CLVS2: variants seen among roughly 807,000 people sequenced by gnomAD.
CLVS2 encodes clavesin 2.
CLVS2 carries 19 observed loss-of-function variants against 29.0 expected under a neutral mutation model. That is an observed-to-expected ratio of 0.66 (90% confidence interval 0.46 to 0.96). The LOEUF (loss-of-function observed/expected upper bound fraction) is 0.96, where lower values mean the gene tolerates loss of function less well. Among genes scored for constraint, CLVS2 ranks in the 40% least tolerant of loss-of-function variants. The pLI is 0.00. For missense variants in CLVS2, 294 were observed against 404.1 expected, an observed-to-expected ratio of 0.73 and a Z score of 2.34; for synonymous variants, 161 against 151.3, an observed-to-expected ratio of 1.06 and a Z score of -0.47.
At position 123,026,290 on chromosome 6, in the gene CLVS2, T is replaced by C. The variant is rs1442159317; in HGVS notation, c.564+15131T>C. The stretch of plus-strand genomic sequence containing the variant: ...AGGACTATGGTGAAATTTTCTTTTT[T>C]ATTTTCTGCATTTTACATATTTTGC... On this transcript the variant is annotated intron_variant, in intron 3 of 5. Coordinates refer to ENST00000275162, the MANE Select transcript of CLVS2 (RefSeq NM_001010852.4). Among the ~76,000 whole-genome samples the C allele has an allele frequency of 6.6e-5, 10 of 152,196 alleles. No individual in the cohort carries two copies. The East Asian group carries it at 1.9e-3, about 29-fold the overall frequency.
At chr6:122,998,493 G>A (rs1364051561) in intron 2 of CLVS2, among the ~76,000 whole-genome samples, 1 of 152,006 alleles carries the variant, frequency 6.6e-6, no homozygotes, top group Admixed American at 6.5e-5. Context: ...AAGTTTATTG[G>A]GCTGGATAAA....
At chr6:122,998,257 A>G in intron 2 of CLVS2, 91 bp downstream of exon 2, 1 of 1,417,408 alleles carries the variant, frequency 7.1e-7, no homozygotes, top group Non-Finnish European at 9.4e-7. Flanking sequence ...TAGATTTGAT[A>G]TTTTTGTTTA....
Position 123,063,843 on chromosome 6 carries a change from C to T in CLVS2, c.*82C>T, listed in dbSNP as rs558546741. Reference sequence around the variant, plus strand: ...CAGGGACAACACTGTAGAGGAATTACCAGCTGGAAACCGACTTATTCATGT... The same window carrying T: ...CAGGGACAACACTGTAGAGGAATTATCAGCTGGAAACCGACTTATTCATGT... On this transcript the variant is annotated 3_prime_UTR_variant, in exon 6 of 6. Transcript: ENST00000275162. 219 of 933,480 alleles carry T rather than the reference C, an allele frequency of 2.3e-4. 4 individuals carry two copies. In the South Asian group the frequency reaches 3.2e-3, roughly 13 times the overall value. 57.8% of individuals were successfully genotyped at this position (933,480 alleles called of 1,614,324 possible).
At chr6:123,016,711 T>A (rs1774839835) in intron 3 of CLVS2, among the ~76,000 whole-genome samples, 1 of 152,098 alleles carries the variant, frequency 6.6e-6, no homozygotes, top group African/African-American at 2.4e-5. Flanking sequence ...CCTAAAATAG[T>A]GCCAGATAGT....
At chr6:123,048,045 A>T (rs533664666) in intron 3 of CLVS2, among the ~76,000 whole-genome samples, 1 of 152,262 alleles carries the variant, frequency 6.6e-6, no homozygotes, top group Admixed American at 6.5e-5. Flanking sequence ...TTCTTACAGT[A>T]CAACTCTGCA....
At chr6:123,039,433 T>C (rs1775197954) in intron 3 of CLVS2, among the ~76,000 whole-genome samples, 1 of 152,212 alleles carries the variant, frequency 6.6e-6, no homozygotes, top group Non-Finnish European at 1.5e-5. Context: ...TTAGTTTTAA[T>C]AAAGGAGCCT....
intron 2 of CLVS2, among the ~76,000 whole-genome samples, chr6:123,007,144 A>C (rs922412851): frequency 6.6e-6 from 1 of 152,360 alleles, no homozygotes; most frequent in Admixed American, 6.5e-5. Context: ...GTGGTTAAAA[A>C]GTACAAAAAG....
chr6:123,018,286 T>C (rs1774868975), intron 3 of CLVS2, among the ~76,000 whole-genome samples: 1 of 152,076 alleles, frequency 6.6e-6, no homozygotes, highest in African/African-American at 2.4e-5. Context: ...TCTTGATGTG[T>C]TCTTCTTTCC....
At chr6:123,040,182 A>T (rs1227100264) in intron 3 of CLVS2, among the ~76,000 whole-genome samples, 3 of 152,224 alleles carry the variant, frequency 2.0e-5, no homozygotes, top group African/African-American at 7.2e-5. Flanking sequence ...AATAGGCCTC[A>T]GATTTTGAGA....
intron 2 of CLVS2, among the ~76,000 whole-genome samples, chr6:123,002,691 C>CA (rs537056354): frequency 3.3e-5 from 5 of 151,836 alleles, no homozygotes; most frequent in African/African-American, 4.8e-5. Flanking sequence ...TACTCTGCAA[C>CA]AAAAAAAGCA....
intron 2 of CLVS2, among the ~76,000 whole-genome samples, chr6:123,008,768 T>G (rs1219169585): frequency 2.0e-5 from 3 of 151,946 alleles, no homozygotes; most frequent in Non-Finnish European, 4.4e-5. Flanking sequence ...GTTTATAGGT[T>G]TCAGGTCCTG....
chr6:122,997,472 G>A lies in CLVS2; in HGVS notation c.-306G>A, dbSNP rs1774525366. The A allele has an allele frequency of 5.3e-6, 2 of 378,466 alleles. No individual in the cohort carries two copies. Among genetic ancestry groups the A allele is most frequent in the Admixed American group, 8.7e-5 (2 of 22,894 alleles). The allele number at this position is 378,466 out of a possible 1,614,324, so 23.4% of individuals were successfully genotyped here. A position where few individuals can be genotyped will look rare whatever the true frequency, so the allele number is the denominator to read the frequency against. On this transcript the variant is annotated 5_prime_UTR_variant, in exon 2 of 6. Coordinates refer to ENST00000275162, the MANE Select transcript of CLVS2 (RefSeq NM_001010852.4). Reference sequence around the variant, plus strand: ...TGTTAGGAAAGAGAAAGGACAAGAAGAGGAGTGCGGAGCCCTTCAGGGGTT... The same window carrying A: ...TGTTAGGAAAGAGAAAGGACAAGAAAAGGAGTGCGGAGCCCTTCAGGGGTT...
intron 3 of CLVS2, among the ~76,000 whole-genome samples, chr6:123,016,979 A>G (rs1190842533): frequency 1.3e-5 from 2 of 152,074 alleles, no homozygotes; most frequent in Non-Finnish European, 2.9e-5. Flanking sequence ...ATCACTGTCC[A>G]AGGCTGGGGC....
intron 3 of CLVS2, among the ~76,000 whole-genome samples, chr6:123,035,993 C>T (rs1258817773): frequency 2.0e-5 from 3 of 151,980 alleles, no homozygotes; most frequent in Non-Finnish European, 2.9e-5. Flanking sequence ...CTGATGTGTA[C>T]GCTTGGACAA....
intron 3 of CLVS2, among the ~76,000 whole-genome samples, chr6:123,029,158 G>A (rs550907098): frequency 1.7e-4 from 26 of 152,232 alleles, no homozygotes; most frequent in Admixed American, 3.9e-4. Flanking sequence ...TTGTTTAAAC[G>A]ACCCAGACTA....
chr6:123,057,825 C>G lies in CLVS2; in HGVS notation c.896+1799C>G, dbSNP rs139672643. On this transcript the variant is annotated intron_variant, in intron 5 of 5. Coordinates refer to ENST00000275162, the MANE Select transcript of CLVS2 (RefSeq NM_001010852.4). ...TTTAAACCAACTTTAGGCTTCTTAA[C>G]TCCCTTCTTTTAGAACAGAACTTCT... is the stretch of plus-strand genomic sequence containing the variant. Among the ~76,000 whole-genome samples the G allele has an allele frequency of 4.7e-3, 721 of 152,276 alleles. 4 individuals are homozygous for G. The highest frequency in any genetic ancestry group is 0.017 in the African/African-American group (686 of 41,550).
rs1772904587 is a variant in CLVS2, at chr6:123,069,222, A to T, written c.*5461A>T. The T allele has an allele frequency of 6.6e-6, 1 of 151,828 alleles. No homozygotes were observed. 9.4% of individuals were successfully genotyped at this position (151,828 alleles called of 1,614,324 possible). A position where few individuals can be genotyped will look rare whatever the true frequency, so the allele number is the denominator to read the frequency against. Reference sequence around the variant, plus strand: ...AAAGGAATGATCAGTAAATAAAATAACTAGGGTTTTCACATTTGCAATAGA... The same window carrying T: ...AAAGGAATGATCAGTAAATAAAATATCTAGGGTTTTCACATTTGCAATAGA... On this transcript the variant is annotated 3_prime_UTR_variant, in exon 6 of 6. Coordinates refer to ENST00000275162, the MANE Select transcript of CLVS2 (RefSeq NM_001010852.4).
chr6:123,063,964 G>C lies in CLVS2; in HGVS notation c.*203G>C. ...TTTTAAAATGTCAATAATTTATTCT[G>C]TAAGTGCCAAGTTGTTTGTAAATAT... is the stretch of plus-strand genomic sequence containing the variant. On this transcript the variant is annotated 3_prime_UTR_variant, in exon 6 of 6. Coordinates refer to ENST00000275162, the MANE Select transcript of CLVS2 (RefSeq NM_001010852.4). The C allele has an allele frequency of 9.1e-6, 4 of 439,088 alleles. No individual in the cohort carries two copies. Among genetic ancestry groups the C allele is most frequent in the Non-Finnish European group, 1.6e-5 (4 of 245,778 alleles). 27.2% of individuals were successfully genotyped at this position (439,088 alleles called of 1,614,324 possible).
chr6:123,063,420 G>A (rs1772807599), intron 5 of CLVS2, among the ~76,000 whole-genome samples: 1 of 151,980 alleles, frequency 6.6e-6, no homozygotes, highest in African/African-American at 2.4e-5. Context: ...CTTAAGCCTG[G>A]TATTGTCTAT....
Sources: allele counts gnomAD v4.1 joint callset (sites outside exome capture counted in the v4.1 genomes callset), GRCh38; gene constraint gnomAD v4.1.1; transcripts MANE v1.5; gene names NCBI Gene and HGNC (gene_info 2026-07-23, HGNC 2026-07-21).